Variants in TSNARE1 observed in about 807,000 individuals in gnomAD.
TSNARE1 encodes t-SNARE domain containing 1.
A neutral mutation model predicts 62.0 loss-of-function variants in TSNARE1; 49 were observed. That is an observed-to-expected ratio of 0.79 (90% confidence interval 0.63 to 1.00). The LOEUF (loss-of-function observed/expected upper bound fraction) is 1.00. TSNARE1 is among the 50% of genes least tolerant of loss of function. TSNARE1 has a pLI of 0.00. For synonymous variants in TSNARE1, 328 were observed against 294.4 expected (o/e 1.11, Z -1.17); for missense variants, 755 against 700.1 (o/e 1.08, Z -0.88).
chr8:142,362,107 C>T (rs1392223479), intron 1 of TSNARE1, among the ~76,000 whole-genome samples: 5 of 152,230 alleles, frequency 3.3e-5, no homozygotes, highest in Non-Finnish European at 5.9e-5. Context: ...GCTCCTCTGC[C>T]GGGTGCGCAG....
At position 142,354,631 on chromosome 8, in the gene TSNARE1, C is replaced by T. The variant is rs1229895736; in HGVS notation, c.88+6G>A. Reference sequence around the variant, plus strand: ...CCCCGCCCCCACTTCCAGCTACTATCATTACCTAGGGGCTGACAGCCTTGT... The same window carrying T: ...CCCCGCCCCCACTTCCAGCTACTATTATTACCTAGGGGCTGACAGCCTTGT... On this transcript the variant is annotated splice_donor_region_variant and intron_variant, in intron 2 of 13. Transcript: ENST00000524325. 1 of 1,607,374 alleles carries T rather than the reference C, an allele frequency of 6.2e-7. No individual in the cohort carries two copies. Among genetic ancestry groups the T allele is most frequent in the Non-Finnish European group, 8.5e-7 (1 of 1,175,230 alleles).
chr8:142,299,740 GCA>G (rs749242265), intron 10 of TSNARE1, among the ~76,000 whole-genome samples: 14 of 152,048 alleles, frequency 9.2e-5, no homozygotes, highest in East Asian at 3.9e-4. Flanking sequence ...GCACACACGT[GCA>G]CACACACATG....
rs182983874 is a variant in TSNARE1 at position 142,392,363 on chromosome 8, C to T, written c.-40+10741G>A. Among the ~76,000 whole-genome samples the T allele has an allele frequency of 2.2e-3, 342 of 152,106 alleles. 2 individuals are homozygous for T. The highest frequency in any genetic ancestry group is 7.9e-3 in the African/African-American group (329 of 41,502). On this transcript the variant is annotated intron_variant, in intron 1 of 13. Transcript: ENST00000524325. ...GTAAAAGGAGTACACTCTAAAATAACGATAAAAAGTATAGTATACACAGAA... is the reference window on the plus strand; with the variant it reads ...GTAAAAGGAGTACACTCTAAAATAATGATAAAAAGTATAGTATACACAGAA...
intron 11 of TSNARE1, chr8:142,280,429 G>T: frequency 1.4e-6 from 1 of 692,440 alleles, no homozygotes; most frequent in Non-Finnish European, 1.8e-6. Context: ...ACAGCGGCCA[G>T]GCCTCGCATC....
At chr8:142,401,910 A>G (rs1036815801) in intron 1 of TSNARE1, among the ~76,000 whole-genome samples, 3 of 152,166 alleles carry the variant, frequency 2.0e-5, no homozygotes, top group African/African-American at 7.2e-5. Flanking sequence ...CAGTACTAAC[A>G]AACTTCAGCT....
At chr8:142,252,476 C>T (rs561313470) in intron 12 of TSNARE1, among the ~76,000 whole-genome samples, 7 of 152,318 alleles carry the variant, frequency 4.6e-5, no homozygotes, top group East Asian at 1.9e-4. Context: ...GTGCTGCCGG[C>T]GACAGTGGTC....
intron 12 of TSNARE1, among the ~76,000 whole-genome samples, chr8:142,233,746 G>A (rs144356368): frequency 4.2e-4 from 64 of 152,264 alleles, no homozygotes; most frequent in African/African-American, 1.1e-3. Flanking sequence ...CCTGCAGGGC[G>A]TACGCAAGGG....
At chr8:142,318,725 G>A (rs921945208) in intron 6 of TSNARE1, 91 bp from the exon 7 acceptor site, 56 of 1,157,944 alleles carry the variant, frequency 4.8e-5, no homozygotes, top group Admixed American at 3.6e-4. Context: ...AGGGACGCAC[G>A]GGCCGAGTGG....
Position 142,271,301 on chromosome 8 carries a change from C to A in TSNARE1, c.1446+3480G>T, listed in dbSNP as rs1022846711. On this transcript the variant is annotated intron_variant, in intron 12 of 13. Coordinates refer to ENST00000524325, the MANE Select transcript of TSNARE1 (RefSeq NM_145003.5). ...GAGGGCCTCCACGCCATCGGCCAGA[C>A]GCTGGCTCTGCTCGGCCAGCCGCTG... 6 of 1,097,824 alleles carry A rather than the reference C, an allele frequency of 5.5e-6. No individual in the cohort carries two copies. In the South Asian group the frequency reaches 1.3e-4, roughly 24 times the overall value. 68.0% of individuals were successfully genotyped at this position (1,097,824 alleles called of 1,614,324 possible).
At chr8:142,404,100 T>G (rs1316447037), upstream of TSNARE1, 1 of 152,288 alleles carries the variant, frequency 6.6e-6, no homozygotes, top group Non-Finnish European at 1.5e-5. Context: ...GCCCTCACTC[T>G]GTGATGCTTG....
intron 10 of TSNARE1, among the ~76,000 whole-genome samples, chr8:142,287,537 G>A (rs80223343): frequency 8.9e-6 from 1 of 112,602 alleles, no homozygotes; most frequent in South Asian, 3.2e-4. Flanking sequence ...TCTCGGGGAT[G>A]GTGGGGCTCC....
At chr8:142,261,705 T>G (rs1450571101) in intron 12 of TSNARE1, among the ~76,000 whole-genome samples, 1 of 152,084 alleles carries the variant, frequency 6.6e-6, no homozygotes, top group African/African-American at 2.4e-5. Flanking sequence ...CTTTAACGAT[T>G]GCGTTTTCCC....
chr8:142,214,847 C>G (rs1269952684), intron 13 of TSNARE1, among the ~76,000 whole-genome samples: 5 of 152,192 alleles, frequency 3.3e-5, no homozygotes, highest in Non-Finnish European at 7.3e-5. Flanking sequence ...CTATCAGAAC[C>G]CAGCCCTGGC....
intron 12 of TSNARE1, among the ~76,000 whole-genome samples, chr8:142,267,051 T>A (rs991815999): frequency 2.0e-5 from 3 of 152,240 alleles, no homozygotes; most frequent in Non-Finnish European, 4.4e-5. Context: ...ATTTTTGTGA[T>A]TTCATCTTTT....
chr8:142,337,729 C>T (rs1411056624), intron 4 of TSNARE1, among the ~76,000 whole-genome samples: 1 of 152,270 alleles, frequency 6.6e-6, no homozygotes, highest in Non-Finnish European at 1.5e-5. Context: ...CCAACCACAG[C>T]ACAGGCCTCC....
At chr8:142,238,977 G>A (rs1747273076) in intron 12 of TSNARE1, among the ~76,000 whole-genome samples, 1 of 152,136 alleles carries the variant, frequency 6.6e-6, no homozygotes, top group African/African-American at 2.4e-5. Flanking sequence ...CCGGGGCAGG[G>A]GTGGTGTCTG....
At chr8:142,391,423 C>T (rs529690166) in intron 1 of TSNARE1, among the ~76,000 whole-genome samples, 1 of 151,996 alleles carries the variant, frequency 6.6e-6, no homozygotes, top group Non-Finnish European at 1.5e-5. Flanking sequence ...CTGTAACAGA[C>T]GCTGTACACT....
At chr8:142,271,211 T>C (rs1819501151) in intron 12 of TSNARE1, 2 of 999,248 alleles carry the variant, frequency 2.0e-6, no homozygotes, top group Admixed American at 6.0e-5. Context: ...AGGACTACCG[T>C]CCTGGAGTGA....
At position 142,287,944 on chromosome 8, in the gene TSNARE1, G is replaced by A. The variant is rs546881636; in HGVS notation, c.1291-3459C>T. On this transcript the variant is annotated intron_variant, in intron 10 of 13. Transcript: ENST00000524325. ...GAACCCAGGACCTCGGTCAGATCTC[G>A]GGGATCGTGGGGCTCCCTTCAGGAC... 4.6e-5 allele frequency among the ~76,000 whole-genome samples: 7 copies of A among 152,132 alleles called. No homozygotes were observed. In the East Asian group the frequency reaches 7.7e-4, roughly 17 times the overall value.
Sources: allele counts gnomAD v4.1 joint callset (sites outside exome capture counted in the v4.1 genomes callset), GRCh38; gene constraint gnomAD v4.1.1; transcripts MANE v1.5; gene names NCBI Gene and HGNC (gene_info 2026-07-23, HGNC 2026-07-21).